Variants in PLA2G4D observed in about 807,000 individuals in gnomAD.
PLA2G4D encodes the protein cytosolic phospholipase A2 delta.
PLA2G4D carries 80 observed loss-of-function variants against 94.4 expected under a neutral mutation model. That is an observed-to-expected ratio of 0.85 (90% confidence interval 0.71 to 1.02). The LOEUF is 1.02. PLA2G4D is among the 50% of genes least tolerant of loss of function. The probability of loss-of-function intolerance (pLI) is 0.00; values close to 1 mark genes in which losing one functional copy is unlikely to be tolerated. For missense variants in PLA2G4D, 1,050 were observed against 1,034.7 expected, an observed-to-expected ratio of 1.01 and a Z score of -0.20; for synonymous variants, 438 against 440.9, an observed-to-expected ratio of 0.99 and a Z score of 0.08.
At chr15:42,093,325 CCCAGGAGCTAGA>C in intron 1 of PLA2G4D, among the ~76,000 whole-genome samples, 1 of 152,258 alleles carries the variant, frequency 6.6e-6, no homozygotes, top group East Asian at 1.9e-4. Flanking sequence ...TTTTGTTTTA[CCCAGGAGCTAGA>C]CCTAGAGCAG....
Position 42,083,710 on chromosome 15 carries a change from T to G in PLA2G4D, c.535+6A>C. ...GAGTCCAGGCCTGGTTCTAAGCTGGTCTCACCTGCAACCACAGCGGTGCTC... is the reference window on the plus strand; with the variant it reads ...GAGTCCAGGCCTGGTTCTAAGCTGGGCTCACCTGCAACCACAGCGGTGCTC... On this transcript the variant is annotated splice_donor_region_variant and intron_variant, in intron 7 of 19. Transcript: ENST00000290472. 1 of 1,613,892 alleles carries G rather than the reference T, an allele frequency of 6.2e-7. No homozygotes were observed. The highest frequency in any genetic ancestry group is 1.1e-5 in the South Asian group (1 of 91,084).
rs112397155 is a variant in PLA2G4D, at chr15:42,086,205, C to G, written c.387+8G>C. On this transcript the variant is annotated splice_region_variant and intron_variant, in intron 4 of 19. Coordinates refer to ENST00000290472, the MANE Select transcript of PLA2G4D (RefSeq NM_178034.4). ...GGCCCACGGGGACTTCCCCACCCAC[C>G]CACCCACCTGGGGACTCTGGGAGAA... 6 of 662,604 alleles carry G rather than the reference C, an allele frequency of 9.1e-6. 1 individual carries two copies. Among genetic ancestry groups the G allele is most frequent in the South Asian group, 6.4e-5 (4 of 62,522 alleles). 41.0% of individuals were successfully genotyped at this position (662,604 alleles called of 1,614,324 possible).
intron 13 of PLA2G4D, among the ~76,000 whole-genome samples, chr15:42,074,236 G>C (rs1345658641): frequency 6.6e-6 from 1 of 152,166 alleles, no homozygotes; most frequent in Non-Finnish European, 1.5e-5. Flanking sequence ...TGGCTCACCA[G>C]TAAGCTGCGG....
chr15:42,077,245 C>T (rs905548784), intron 13 of PLA2G4D, among the ~76,000 whole-genome samples: 3 of 152,178 alleles, frequency 2.0e-5, no homozygotes, highest in Non-Finnish European at 2.9e-5. Flanking sequence ...GCCAGAACTA[C>T]ATTGATACAA....
At position 42,072,279 on chromosome 15, in the gene PLA2G4D, G is replaced by A; in HGVS notation, c.1431C>T (p.Phe477=). ...GGGGAGTAGGTAGAACTGTACCCTTGAAGTCCAGTGTCTCCAGATTGTTCT... is the reference window on the plus strand; with the variant it reads ...GGGGAGTAGGTAGAACTGTACCCTTAAAGTCCAGTGTCTCCAGATTGTTCT... ...VKENNLETLD[F]KEWVEFSPYE... The change falls in exon 14 of 20, where the codon TTC becomes TTT. Residue 477 remains phenylalanine (F), a synonymous_variant. Transcript: ENST00000290472. 4 of 1,611,888 alleles carry A rather than the reference G, an allele frequency of 2.5e-6. No homozygotes were observed. In the South Asian group the frequency reaches 4.4e-5, roughly 18 times the overall value.
At position 42,069,982 on chromosome 15, in the gene PLA2G4D, G is replaced by T; in HGVS notation, c.2157C>A (p.Pro719=). The T allele has an allele frequency of 6.7e-7, 1 of 1,483,430 alleles. No individual in the cohort carries two copies. The allele number at this position is 1,483,430 out of a possible 1,614,324, so 91.9% of individuals were successfully genotyped here. A position where few individuals can be genotyped will look rare whatever the true frequency, so the allele number is the denominator to read the frequency against. ...GCAGGATCGGGGCCTCGGGGCAGGC[G>T]GGGTCTGAGAAGAGGTGGCATTCCC... The part of the protein sequence containing the change: ...QPRECHLFSD[P]ACPEAPILLH... The change falls in exon 19 of 20, where the codon CCC becomes CCA. Residue 719 remains proline (P), a synonymous_variant. Coordinates refer to ENST00000290472, the MANE Select transcript of PLA2G4D (RefSeq NM_178034.4).
At chr15:42,089,165 CTGT>C (rs1285503840) in intron 1 of PLA2G4D, among the ~76,000 whole-genome samples, 1 of 152,172 alleles carries the variant, frequency 6.6e-6, no homozygotes, top group Non-Finnish European at 1.5e-5. Context: ...AGCTGGGAGA[CTGT>C]TGTGATAAAA....
chr15:42,079,482 G>A (rs1889990144), intron 13 of PLA2G4D, 55 bp downstream of exon 13: 7 of 1,511,974 alleles, frequency 4.6e-6, no homozygotes, highest in African/African-American at 1.4e-5. Context: ...TGGGAGCCCT[G>A]CCTTCGCCCC....
intron 18 of PLA2G4D, 105 bp downstream of exon 18, chr15:42,070,612 C>T (rs1427039906): frequency 2.6e-5 from 35 of 1,348,386 alleles, no homozygotes; most frequent in Non-Finnish European, 3.4e-5. Context: ...CTCTCCTTCC[C>T]TTCGGGACCC....
chr15:42,068,714 C>G lies in PLA2G4D; in HGVS notation c.*1G>C. 4 of 1,602,070 alleles carry G rather than the reference C, an allele frequency of 2.5e-6. No individual in the cohort carries two copies. Among genetic ancestry groups the G allele is most frequent in the Non-Finnish European group, 3.4e-6 (4 of 1,174,142 alleles). ...GAGGGTCCTGCAGCCTCTGAGCAACCTCAGGTCTGTGCCCTTGGAGGCCTC... is the reference window on the plus strand; with the variant it reads ...GAGGGTCCTGCAGCCTCTGAGCAACGTCAGGTCTGTGCCCTTGGAGGCCTC... On this transcript the variant is annotated 3_prime_UTR_variant, in exon 20 of 20. Transcript: ENST00000290472.
intron 8 of PLA2G4D, 87 bp downstream of exon 8, chr15:42,083,111 G>C (rs1042844267): frequency 6.6e-7 from 1 of 1,520,404 alleles, no homozygotes; most frequent in African/African-American, 1.4e-5. Flanking sequence ...CCTTGGCCCT[G>C]GTGGGCAGGG....
chr15:42,068,991 A>G, intron 19 of PLA2G4D, 50 bp from the exon 20 acceptor site: 3 of 1,523,748 alleles, frequency 2.0e-6, no homozygotes, highest in Non-Finnish European at 2.7e-6. Flanking sequence ...GGGCTTCTAC[A>G]GCCTGGCAGC....
At chr15:42,087,560 C>T (rs1457381987) in intron 2 of PLA2G4D, 68 bp downstream of exon 2, 16 of 1,605,902 alleles carry the variant, frequency 1.0e-5, no homozygotes, top group South Asian at 8.8e-5. Context: ...CCAGGGCACT[C>T]GTCTTGGCCC....
At position 42,094,452 on chromosome 15, in the gene PLA2G4D, C is replaced by A. The variant is rs768570430; in HGVS notation, c.8G>T (p.Ser3Ile). ME[S>I]LSPGGPPGHP... is the part of the protein sequence containing the mutation. ...GCCAGGTGGTCCCCCAGGTGACAGGCTCTCCATGCTAGCCCTTCCAGCTTC... is the reference window on the plus strand; with the variant it reads ...GCCAGGTGGTCCCCCAGGTGACAGGATCTCCATGCTAGCCCTTCCAGCTTC... Residue 3 changes from serine to isoleucine, a missense_variant, in exon 1 of 20, where the codon AGC becomes ATC. Ser to Ile is a moderately radical substitution (Grantham distance 142). Coordinates refer to ENST00000290472, the MANE Select transcript of PLA2G4D (RefSeq NM_178034.4). The A allele has an allele frequency of 1.2e-6, 2 of 1,614,042 alleles. No individual in the cohort carries two copies. The highest frequency in any genetic ancestry group is 1.7e-5 in the Admixed American group (1 of 60,004).
chr15:42,079,290 G>A (rs944114616), intron 13 of PLA2G4D, among the ~76,000 whole-genome samples: 1 of 152,232 alleles, frequency 6.6e-6, no homozygotes, highest in Admixed American at 6.5e-5. Context: ...CAAAAGCTTT[G>A]TTTGCTTAAC....
At position 42,071,496 on chromosome 15, in the gene PLA2G4D, G is replaced by C; in HGVS notation, c.1629C>G (p.Thr543=). ...GCTGTTTCCAGGACTCCCCAGAACT[G>C]GTGAGGTCATACCAGGCATCCAGCA... The part of the protein sequence containing the change: ...LNLLDAWYDL[T]SSGESWKQHI... Residue 543 remains threonine, a synonymous_variant, in exon 16 of 20, where the codon ACC becomes ACG. Coordinates refer to ENST00000290472, the MANE Select transcript of PLA2G4D (RefSeq NM_178034.4). 2 of 1,614,018 alleles carry C rather than the reference G, an allele frequency of 1.2e-6. No homozygotes were observed. Among genetic ancestry groups the C allele is most frequent in the Non-Finnish European group, 1.7e-6 (2 of 1,179,954 alleles).
At position 42,068,928 on chromosome 15, in the gene PLA2G4D, G is replaced by C. The variant is rs149981226; in HGVS notation, c.2244C>G (p.Ser748Arg). The C allele has an allele frequency of 6.3e-5, 102 of 1,610,672 alleles. No homozygotes were observed. Among genetic ancestry groups the C allele is most frequent in the Non-Finnish European group, 8.3e-5 (98 of 1,179,320 alleles). Residue 748 changes from serine to arginine, a missense_variant, in exon 20 of 20, where the codon AGC becomes AGG. Ser to Arg is a moderately radical substitution (Grantham distance 110). Transcript: ENST00000290472. Reference sequence around the variant, plus strand: ...CTTGGCCACCCTGGAGCTCTGCGGGGCTGCGCTGGACACCTGCCCAGGGGT... The same window carrying C: ...CTTGGCCACCCTGGAGCTCTGCGGGCCTGCGCTGGACACCTGCCCAGGGGT... ...KDHSAPGVQR[S>R]PAELQGGQVD...
Position 42,068,833 on chromosome 15 carries a change from C to T in PLA2G4D, c.2339G>A (p.Arg780His), listed in dbSNP as rs769291984. 31 of 1,613,842 alleles carry T rather than the reference C, an allele frequency of 1.9e-5. No homozygotes were observed. The highest frequency in any genetic ancestry group is 8.8e-5 in the South Asian group (8 of 91,052). ...NMTYKEEDFE[R>H]LLRLSDYNVQ... ...GTTGTAGTCACTGAGCCGCAGCAGGCGCTCGAAGTCTTCCTCCTTGTAGGT... is the reference window on the plus strand; with the variant it reads ...GTTGTAGTCACTGAGCCGCAGCAGGTGCTCGAAGTCTTCCTCCTTGTAGGT... The change falls in exon 20 of 20, where the codon CGC becomes CAC. Residue 780 changes from arginine to histidine, a missense_variant. Arg to His is a conservative substitution (Grantham distance 29). Transcript: ENST00000290472.
Position 42,068,679 on chromosome 15 carries a change from G to A in PLA2G4D, c.*36C>T, listed in dbSNP as rs180765637. The A allele has an allele frequency of 2.7e-4, 423 of 1,556,714 alleles. 1 individual carries two copies. In the African/African-American group the frequency reaches 5.2e-3, roughly 19 times the overall value. On this transcript the variant is annotated 3_prime_UTR_variant, in exon 20 of 20. Transcript: ENST00000290472. ...CCCAGCTACAGATCAGGTTATGCCC[G>A]CAGGCCCTGGAGGGTCCTGCAGCCT...
Sources: gnomAD v4.1 joint callset for allele counts (sites outside exome capture counted in the v4.1 genomes callset) on GRCh38, gnomAD v4.1.1 for gene constraint, MANE v1.5 for transcripts, NCBI Gene and HGNC (gene_info 2026-07-23, HGNC 2026-07-21) for gene names.